TRPC4: variants seen among roughly 807,000 people sequenced by gnomAD.
The protein encoded by TRPC4 is transient receptor potential cation channel subfamily C member 4.
Under a neutral mutation model 99.4 loss-of-function variants are expected in TRPC4, and 49 were observed. That is an observed-to-expected ratio of 0.49 (90% CI 0.39 to 0.63). TRPC4 has a LOEUF of 0.63. Among genes scored for constraint, TRPC4 ranks in the 20% least tolerant of loss-of-function variants. The pLI is 0.00. For synonymous variants in TRPC4, 454 were observed against 425.9 expected, an observed-to-expected ratio of 1.07 and a Z score of -0.81; for missense variants, 898 against 1,152.9, an observed-to-expected ratio of 0.78 and a Z score of 3.20.
chr13:37,764,559 T>G (rs530308868), intron 2 of TRPC4, among the ~76,000 whole-genome samples: 2 of 151,400 alleles, frequency 1.3e-5, no homozygotes, highest in African/African-American at 4.8e-5. Context: ...TTTTTGTTTG[T>G]TTGGTTTTGT....
chr13:37,652,957 A>G (rs768121723), intron 7 of TRPC4, among the ~76,000 whole-genome samples: 42 of 152,134 alleles, frequency 2.8e-4, no homozygotes, highest in Non-Finnish European at 5.9e-4. Flanking sequence ...TGATGACTAG[A>G]TCCACCTTCC....
intron 2 of TRPC4, among the ~76,000 whole-genome samples, chr13:37,779,338 G>A (rs925826193): frequency 9.2e-5 from 14 of 151,860 alleles, no homozygotes; most frequent in African/African-American, 3.1e-4. Context: ...GACTATCAGT[G>A]CAATGATTCC....
Position 37,635,925 on chromosome 13 carries a change from GT to G in TRPC4, c.*977del, listed in dbSNP as rs1294035000. Among the ~76,000 whole-genome samples, 3 of 152,092 alleles carry G rather than the reference GT, an allele frequency of 2.0e-5. No homozygotes were observed. Among genetic ancestry groups the G allele is most frequent in the South Asian group, 2.1e-4 (1 of 4,818 alleles). On this transcript the variant is annotated 3_prime_UTR_variant, in exon 11 of 11. Coordinates refer to ENST00000379705, the MANE Select transcript of TRPC4 (RefSeq NM_016179.4). The stretch of plus-strand genomic sequence containing the variant: ...TACTGGTGAAAAGAGGAGACTGCTA[GT>G]TTTTTTGTACTTCTTTTGAATTGAT...
chr13:37,716,095 G>A (rs972776521), intron 3 of TRPC4, among the ~76,000 whole-genome samples: 11 of 133,368 alleles, frequency 8.2e-5, no homozygotes, highest in African/African-American at 2.7e-4. Context: ...CAGACTAAGA[G>A]AAACATGAAA....
At chr13:37,862,229 A>C (rs1959392582) in intron 1 of TRPC4, among the ~76,000 whole-genome samples, 3 of 151,438 alleles carry the variant, frequency 2.0e-5, no homozygotes, top group Admixed American at 6.6e-5. Context: ...ATCCCTAACT[A>C]TAAAAGTGCC....
At chr13:37,793,713 T>TACAG (rs1017293872) in intron 1 of TRPC4, among the ~76,000 whole-genome samples, 3 of 152,094 alleles carry the variant, frequency 2.0e-5, no homozygotes, top group Admixed American at 6.6e-5. Context: ...GTGATCAGAT[T>TACAG]ACAGACAAAA....
rs981537798 is a variant in TRPC4, at chr13:37,636,592, G to A, written c.*311C>T. The A allele has an allele frequency of 2.0e-5, 4 of 198,400 alleles. No individual in the cohort carries two copies. Among genetic ancestry groups the A allele is most frequent in the Non-Finnish European group, 4.0e-5 (4 of 99,170 alleles). 12.3% of individuals were successfully genotyped at this position (198,400 alleles called of 1,614,324 possible). A position where few individuals can be genotyped will look rare whatever the true frequency, so the allele number is the denominator to read the frequency against. Reference sequence around the variant, plus strand: ...AGTCAACTACCACATGAAATAAATTGCATTTGTTTTAATTGAAAAAGATAG... The same window carrying A: ...AGTCAACTACCACATGAAATAAATTACATTTGTTTTAATTGAAAAAGATAG... On this transcript the variant is annotated 3_prime_UTR_variant, in exon 11 of 11. Coordinates refer to ENST00000379705, the MANE Select transcript of TRPC4 (RefSeq NM_016179.4).
intron 1 of TRPC4, among the ~76,000 whole-genome samples, chr13:37,803,183 T>G (rs1957447959): frequency 6.6e-6 from 1 of 152,080 alleles, no homozygotes; most frequent in Admixed American, 6.6e-5. Context: ...CTTATTCACT[T>G]TCTGTCACTA....
intron 3 of TRPC4, among the ~76,000 whole-genome samples, chr13:37,739,447 G>C (rs1262353521): frequency 2.0e-5 from 3 of 151,364 alleles, no homozygotes; most frequent in Non-Finnish European, 2.9e-5. Flanking sequence ...TAATCTCTTT[G>C]CTCTCCTTCT....
chr13:37,856,811 T>C (rs1442082390), intron 1 of TRPC4, among the ~76,000 whole-genome samples: 3 of 151,684 alleles, frequency 2.0e-5, no homozygotes, highest in South Asian at 2.1e-4. Context: ...ATCACTTCAA[T>C]TGATTCTGAA....
intron 2 of TRPC4, among the ~76,000 whole-genome samples, chr13:37,762,987 A>G: frequency 6.6e-6 from 1 of 151,664 alleles, no homozygotes; most frequent in Admixed American, 6.6e-5. Flanking sequence ...AATCCTTTAT[A>G]AGGTTTCATT....
At chr13:37,694,809 G>A (rs1241759593) in intron 3 of TRPC4, among the ~76,000 whole-genome samples, 1 of 152,142 alleles carries the variant, frequency 6.6e-6, no homozygotes, top group African/African-American at 2.4e-5. Flanking sequence ...AATACACAAA[G>A]TTCCCCAAAT....
At chr13:37,767,586 AT>A (rs1566155988) in intron 2 of TRPC4, among the ~76,000 whole-genome samples, 1 of 151,262 alleles carries the variant, frequency 6.6e-6, no homozygotes, top group Non-Finnish European at 1.5e-5. Flanking sequence ...TTGAAGAAAA[AT>A]ATATATATTC....
At chr13:37,807,807 G>A (rs556673068) in intron 1 of TRPC4, among the ~76,000 whole-genome samples, 4 of 152,070 alleles carry the variant, frequency 2.6e-5, no homozygotes, top group South Asian at 2.1e-4. Context: ...CAAAAGCACC[G>A]AGCCAAAGGT....
At chr13:37,694,288 A>G (rs555255472) in intron 3 of TRPC4, among the ~76,000 whole-genome samples, 1 of 152,224 alleles carries the variant, frequency 6.6e-6, no homozygotes, top group African/African-American at 2.4e-5. Context: ...TCATCTTATC[A>G]GTAGTCACAC....
At chr13:37,715,347 T>C (rs946613411) in intron 3 of TRPC4, among the ~76,000 whole-genome samples, 7 of 152,166 alleles carry the variant, frequency 4.6e-5, no homozygotes, top group Non-Finnish European at 2.9e-5. Flanking sequence ...TTGCATAGGT[T>C]GAATGGTAGT....
chr13:37,737,587 C>A lies in TRPC4; in HGVS notation c.897+8350G>T, dbSNP rs140341318. On this transcript the variant is annotated intron_variant, in intron 3 of 10. Coordinates refer to ENST00000379705, the MANE Select transcript of TRPC4 (RefSeq NM_016179.4). The stretch of plus-strand genomic sequence containing the variant: ...TGCCTGGCTTCAGGTGACCCTCCCA[C>A]CTCAGCTTCACAAGTAGCTGGGACT... Among the ~76,000 whole-genome samples the A allele has an allele frequency of 1.2e-3, 179 of 152,204 alleles. 1 individual carries two copies. The East Asian group carries it at 0.013, about 11-fold the overall frequency.
At chr13:37,809,946 A>G (rs1209392951) in intron 1 of TRPC4, among the ~76,000 whole-genome samples, 1 of 152,080 alleles carries the variant, frequency 6.6e-6, no homozygotes, top group African/African-American at 2.4e-5. Context: ...TAGATTTACA[A>G]CTAAAAAATG....
chr13:37,842,022 C>T (rs903677233), intron 1 of TRPC4, among the ~76,000 whole-genome samples: 1 of 151,974 alleles, frequency 6.6e-6, no homozygotes, highest in African/African-American at 2.4e-5. Context: ...GTAACCCCAG[C>T]ACTTTGGGAG....
Sources: gnomAD v4.1 joint callset for allele counts (sites outside exome capture counted in the v4.1 genomes callset) on GRCh38, gnomAD v4.1.1 for gene constraint, MANE v1.5 for transcripts, NCBI Gene and HGNC (gene_info 2026-07-23, HGNC 2026-07-21) for gene names.